Variants in VAV3 observed in about 807,000 individuals in gnomAD.
VAV3 encodes the protein guanine nucleotide exchange factor VAV3.
Under a neutral mutation model 131.2 loss-of-function variants are expected in VAV3, and 94 were observed. The ratio of observed to expected loss-of-function variants is 0.72; its 90% confidence interval spans 0.61 to 0.85. VAV3 has a LOEUF of 0.85. VAV3 is among the 40% of genes least tolerant of loss of function. The pLI, the probability that VAV3 is intolerant of heterozygous loss-of-function variation, is 0.00. For synonymous variants in VAV3, 349 were observed against 342.0 expected (o/e 1.02, Z -0.22); for missense variants, 939 against 1,002.7 (o/e 0.94, Z 0.86).
chr1:107,802,115 T>C (rs1398388856), intron 2 of VAV3, among the ~76,000 whole-genome samples: 1 of 152,138 alleles, frequency 6.6e-6, no homozygotes, highest in East Asian at 1.9e-4. Context: ...TTTGTAGCTA[T>C]TGCAAATGAG....
chr1:107,926,480 A>T (rs1343872896), intron 1 of VAV3, among the ~76,000 whole-genome samples: 1 of 152,076 alleles, frequency 6.6e-6, no homozygotes, highest in East Asian at 1.9e-4. Context: ...AAGAACCAAA[A>T]ATCAAGTGAG....
chr1:107,881,438 G>C (rs1329045096), intron 1 of VAV3, among the ~76,000 whole-genome samples: 2 of 152,134 alleles, frequency 1.3e-5, no homozygotes, highest in African/African-American at 4.8e-5. Flanking sequence ...GGGGGACATA[G>C]TATGTGAAAA....
chr1:107,898,688 T>G (rs1358619422), intron 1 of VAV3, among the ~76,000 whole-genome samples: 1 of 152,230 alleles, frequency 6.6e-6, no homozygotes, highest in Non-Finnish European at 1.5e-5. Flanking sequence ...CTGGGATTTT[T>G]GTAGGTATTT....
chr1:107,731,838 A>C (rs1420435859), intron 15 of VAV3, among the ~76,000 whole-genome samples: 4 of 152,220 alleles, frequency 2.6e-5, no homozygotes, highest in Non-Finnish European at 5.9e-5. Flanking sequence ...AAAACTGTAT[A>C]GTTTCTGAAG....
intron 17 of VAV3, among the ~76,000 whole-genome samples, chr1:107,703,117 G>A (rs923578079): frequency 6.6e-6 from 1 of 152,122 alleles, no homozygotes; most frequent in East Asian, 1.9e-4. Flanking sequence ...CATCAAGACA[G>A]GGCCTTGGAA....
chr1:107,586,422 G>A (rs528859147), intron 25 of VAV3, among the ~76,000 whole-genome samples: 3 of 152,258 alleles, frequency 2.0e-5, no homozygotes, highest in Admixed American at 1.3e-4. Context: ...AACAGTAAAT[G>A]AGGAAAGAAG....
chr1:107,624,543 T>C (rs1653865213), intron 20 of VAV3, among the ~76,000 whole-genome samples: 1 of 152,160 alleles, frequency 6.6e-6, no homozygotes, highest in African/African-American at 2.4e-5. Context: ...GGTTCTACCA[T>C]ATCTTGGTGA....
At chr1:107,949,863 C>T (rs1315384514) in intron 1 of VAV3, among the ~76,000 whole-genome samples, 1 of 152,170 alleles carries the variant, frequency 6.6e-6, no homozygotes, top group African/African-American at 2.4e-5. Flanking sequence ...TCTGCTAAAC[C>T]TACATTGTGG....
At chr1:107,921,931 C>A (rs1672919407) in intron 1 of VAV3, among the ~76,000 whole-genome samples, 1 of 152,150 alleles carries the variant, frequency 6.6e-6, no homozygotes. Flanking sequence ...TAACCTTAAC[C>A]TAGTTATTTA....
chr1:107,602,125 G>A (rs1651913099), intron 24 of VAV3, among the ~76,000 whole-genome samples: 1 of 151,948 alleles, frequency 6.6e-6, no homozygotes, highest in Admixed American at 6.6e-5. Flanking sequence ...AGGAAAGAAA[G>A]GTATATTTAA....
chr1:107,939,354 G>C (rs1163933760), intron 1 of VAV3, among the ~76,000 whole-genome samples: 1 of 152,142 alleles, frequency 6.6e-6, no homozygotes, highest in East Asian at 1.9e-4. Flanking sequence ...ACAACTTCAT[G>C]ATGATGTGAA....
Position 107,753,549 on chromosome 1 carries a change from T to TATACACACACAC in VAV3, c.1173+1877_1173+1878insGTGTGTGTGTAT, listed in dbSNP as rs771773884. On this transcript the variant is annotated intron_variant, in intron 12 of 26. Transcript: ENST00000370056. Reference sequence around the variant, plus strand: ...ATACGTATATATATATATATATATATACACACACACACTTTTTTTTTTGAG... The same window carrying TATACACACACAC: ...ATACGTATATATATATATATATATATATACACACACACACACACACACACTTTTTTTTTTGAG... Among the ~76,000 whole-genome samples, 126 of 82,016 alleles carry TATACACACACAC rather than the reference T, an allele frequency of 1.5e-3. 1 individual carries two copies. Among genetic ancestry groups the TATACACACACAC allele is most frequent in the South Asian group, 7.1e-3 (23 of 3,248 alleles). 53.8% of individuals were successfully genotyped at this position (82,016 alleles called of 152,430 possible).
intron 1 of VAV3, among the ~76,000 whole-genome samples, chr1:107,909,261 C>T (rs943937687): frequency 6.6e-6 from 1 of 152,156 alleles, no homozygotes; most frequent in Non-Finnish European, 1.5e-5. Flanking sequence ...ACATAGAAAA[C>T]TATTCTCCAA....
intron 1 of VAV3, among the ~76,000 whole-genome samples, chr1:107,903,849 C>A (rs1186985422): frequency 6.6e-6 from 1 of 152,132 alleles, no homozygotes; most frequent in Middle Eastern, 3.2e-3. Flanking sequence ...ACACTTATGG[C>A]CTTGAAGTCA....
chr1:107,950,323 T>C (rs188317817), intron 1 of VAV3, among the ~76,000 whole-genome samples: 1 of 152,322 alleles, frequency 6.6e-6, no homozygotes, highest in African/African-American at 2.4e-5. Context: ...CTGTTACTTC[T>C]AGTAACAATA....
intron 21 of VAV3, among the ~76,000 whole-genome samples, chr1:107,617,293 T>A (rs1325408582): frequency 6.6e-6 from 1 of 152,160 alleles, no homozygotes; most frequent in East Asian, 1.9e-4. Flanking sequence ...ATGCGTCTAA[T>A]TTGTAGCTGT....
At chr1:107,650,485 C>G (rs931570096) in intron 19 of VAV3, among the ~76,000 whole-genome samples, 2 of 151,606 alleles carry the variant, frequency 1.3e-5, no homozygotes, top group Non-Finnish European at 2.9e-5. Flanking sequence ...TATGTTGACA[C>G]GTAATTCCCA....
intron 2 of VAV3, among the ~76,000 whole-genome samples, chr1:107,813,967 AGTGTGTGTGTGTGTGTGTGTGTGTGT>A (rs58318688): frequency 7.4e-5 from 10 of 135,858 alleles, no homozygotes; most frequent in East Asian, 2.1e-4. Context: ...ATAGTACTCC[AGTGTGTGTGTGTGTGTGTGTGTGTGT>A]GTGTGTGTGT....
intron 2 of VAV3, among the ~76,000 whole-genome samples, chr1:107,783,917 A>G (rs953853209): frequency 1.3e-5 from 2 of 149,198 alleles, no homozygotes; most frequent in South Asian, 2.1e-4. Context: ...AAAATTAGCC[A>G]GGCATGGTGG....
Sources: gnomAD v4.1 joint callset for allele counts (sites outside exome capture counted in the v4.1 genomes callset) on GRCh38, gnomAD v4.1.1 for gene constraint, MANE v1.5 for transcripts, NCBI Gene and HGNC (gene_info 2026-07-23, HGNC 2026-07-21) for gene names.